LUC7L2: variants seen among roughly 807,000 people sequenced by gnomAD.
The protein encoded by LUC7L2 is LUC7 like 2, pre-mRNA splicing factor.
A neutral mutation model predicts 52.8 loss-of-function variants in LUC7L2; 25 were observed. The ratio of observed to expected loss-of-function variants is 0.47; its 90% confidence interval spans 0.34 to 0.66. The LOEUF (loss-of-function observed/expected upper bound fraction) is 0.66, where lower values mean the gene tolerates loss of function less well. Among genes scored for constraint, LUC7L2 ranks in the 30% least tolerant of loss-of-function variants. The pLI is 0.01. For missense variants in LUC7L2, 328 were observed against 497.8 expected (o/e 0.66, Z 3.25); for synonymous variants, 144 against 160.9 (o/e 0.89, Z 0.80).
At chr7:139,419,435 A>C (rs1245873755) in intron 9 of LUC7L2, among the ~76,000 whole-genome samples, 1 of 152,260 alleles carries the variant, frequency 6.6e-6, no homozygotes, top group Non-Finnish European at 1.5e-5. Flanking sequence ...TAGGCCTCTT[A>C]TCTCACACTC....
Position 139,360,184 on chromosome 7 carries a change from T to C in LUC7L2, c.-78T>C. On this transcript the variant is annotated 5_prime_UTR_variant, in exon 1 of 10. Coordinates refer to ENST00000354926, the MANE Select transcript of LUC7L2 (RefSeq NM_016019.5). ...CGAGACAGCAGCGCACCTTCCCCCA[T>C]CCCTTCCCCTTATCCCCCAGCCCAA... 2.8e-6 allele frequency: 3 copies of C among 1,068,578 alleles called. No individual in the cohort carries two copies. The highest frequency in any genetic ancestry group is 2.8e-5 in the South Asian group (2 of 70,658). 66.2% of individuals were successfully genotyped at this position (1,068,578 alleles called of 1,614,324 possible).
intron 6 of LUC7L2, 23 bp from the exon 7 acceptor site, chr7:139,409,540 C>T: frequency 6.3e-7 from 1 of 1,585,764 alleles, no homozygotes; most frequent in Non-Finnish European, 8.6e-7. Flanking sequence ...TAAATATTCT[C>T]CTCATTTATT....
intron 4 of LUC7L2, among the ~76,000 whole-genome samples, chr7:139,404,742 T>C (rs1795048803): frequency 6.6e-6 from 1 of 152,070 alleles, no homozygotes; most frequent in Non-Finnish European, 1.5e-5. Flanking sequence ...TAGAGTGGAG[T>C]TGCCAGGCGA....
chr7:139,379,487 A>G lies in LUC7L2; in HGVS notation c.156+3331A>G, dbSNP rs113066122. On this transcript the variant is annotated intron_variant, in intron 2 of 9. Coordinates refer to ENST00000354926, the MANE Select transcript of LUC7L2 (RefSeq NM_016019.5). ...ACAAGTTAGTTTGGAATTTTTTGCA[A>G]TTGAGTTTCATGAAAATGCACTTAC... Among the ~76,000 whole-genome samples, 11 of 143,720 alleles carry G rather than the reference A, an allele frequency of 7.7e-5. 1 individual carries two copies. The highest frequency in any genetic ancestry group is 2.8e-4 in the African/African-American group (11 of 38,622). The allele number at this position is 143,720 out of a possible 152,430, so 94.3% of individuals were successfully genotyped here.
intron 5 of LUC7L2, among the ~76,000 whole-genome samples, 157 bp downstream of exon 5, chr7:139,405,944 AAAAC>A (rs1795094388): frequency 6.6e-6 from 1 of 152,234 alleles, no homozygotes; most frequent in African/African-American, 2.4e-5. Context: ...CTAAAAGACA[AAAAC>A]AAAACAAAAC....
intron 2 of LUC7L2, among the ~76,000 whole-genome samples, chr7:139,397,748 ATT>A (rs1794724899): frequency 6.6e-6 from 1 of 152,192 alleles, no homozygotes; most frequent in Admixed American, 6.5e-5. Flanking sequence ...AAATGGATAG[ATT>A]TTTAGATATT....
chr7:139,417,825 G>T, intron 9 of LUC7L2, 96 bp downstream of exon 9: 1 of 1,454,208 alleles, frequency 6.9e-7, no homozygotes, highest in Non-Finnish European at 9.1e-7. Flanking sequence ...TCAGATTATT[G>T]GTTTGAAACT....
chr7:139,340,753 T>C, intron 1 of LUC7L2: 1 of 376,472 alleles, frequency 2.7e-6, no homozygotes, highest in Non-Finnish European at 4.7e-6. Context: ...GGATTGTGGG[T>C]TCGAGTCCCA....
rs549163037 is a variant in LUC7L2, at chr7:139,417,813, G to A, written c.1001+84G>A. ...TTTACTTATGTTACTTATGTTTAGA[G>A]TTCAGATTATTGGTTTGAAACTTTT... On this transcript the variant is annotated intron_variant, in intron 9 of 9. Transcript: ENST00000354926. 20 of 1,489,442 alleles carry A rather than the reference G, an allele frequency of 1.3e-5. No homozygotes were observed. The African/African-American group carries it at 2.5e-4, about 19-fold the overall frequency. 92.3% of individuals were successfully genotyped at this position (1,489,442 alleles called of 1,614,324 possible). A position where few individuals can be genotyped will look rare whatever the true frequency, so the allele number is the denominator to read the frequency against.
At chr7:139,389,440 G>A (rs949484971) in intron 2 of LUC7L2, among the ~76,000 whole-genome samples, 1 of 151,890 alleles carries the variant, frequency 6.6e-6, no homozygotes, top group African/African-American at 2.4e-5. Flanking sequence ...CAGTTAAGTT[G>A]TTCCTCTTTA....
intron 1 of LUC7L2, among the ~76,000 whole-genome samples, chr7:139,362,909 ATCATTT>A (rs1799960046): frequency 6.6e-6 from 1 of 152,156 alleles, no homozygotes; most frequent in African/African-American, 2.4e-5. Flanking sequence ...AAAGTAGTTA[ATCATTT>A]AGATTACCTA....
intron 2 of LUC7L2, among the ~76,000 whole-genome samples, chr7:139,396,366 C>T (rs1225211442): frequency 6.6e-6 from 1 of 151,992 alleles, no homozygotes; most frequent in Non-Finnish European, 1.5e-5. Flanking sequence ...ATCGCTTGAG[C>T]TGGGAGGTGG....
chr7:139,374,761 C>G, intron 1 of LUC7L2: 1 of 1,206,252 alleles, frequency 8.3e-7, no homozygotes, highest in Non-Finnish European at 1.0e-6. Flanking sequence ...CACGTTAAAA[C>G]AATTTGAACA....
At chr7:139,404,209 A>G (rs990943616) in intron 4 of LUC7L2, among the ~76,000 whole-genome samples, 2 of 152,212 alleles carry the variant, frequency 1.3e-5, no homozygotes, top group Non-Finnish European at 2.9e-5. Context: ...CTGGAAACTC[A>G]TACCAAACTA....
At chr7:139,414,465 G>C (rs1032491968) in intron 8 of LUC7L2, among the ~76,000 whole-genome samples, 1 of 152,258 alleles carries the variant, frequency 6.6e-6, no homozygotes, top group Non-Finnish European at 1.5e-5. Context: ...GCGGCTTGGA[G>C]GCCGCAGGTT....
chr7:139,359,308 G>C (rs1241664772), upstream of LUC7L2: 1 of 153,080 alleles, frequency 6.5e-6, no homozygotes, highest in Admixed American at 6.5e-5. Context: ...GGGTCGGCGC[G>C]CCTGTTTCCT....
intron 2 of LUC7L2, among the ~76,000 whole-genome samples, chr7:139,377,082 A>G (rs1585090165): frequency 1.3e-5 from 2 of 152,066 alleles, no homozygotes; most frequent in East Asian, 1.9e-4. Context: ...GTTAACGGGG[A>G]AAAAAGAGCC....
At chr7:139,392,346 G>T in intron 2 of LUC7L2, 1 of 310,186 alleles carries the variant, frequency 3.2e-6, no homozygotes, top group Non-Finnish European at 6.4e-6. Flanking sequence ...AAGCTTAAGA[G>T]TTTATTTGGG....
At chr7:139,373,327 A>G (rs1423533436) in intron 1 of LUC7L2, among the ~76,000 whole-genome samples, 5 of 152,208 alleles carry the variant, frequency 3.3e-5, no homozygotes, top group African/African-American at 1.2e-4. Context: ...AAATATCAAT[A>G]AACAGTCAGT....
Sources: gnomAD v4.1 joint callset for allele counts (sites outside exome capture counted in the v4.1 genomes callset) on GRCh38, gnomAD v4.1.1 for gene constraint, MANE v1.5 for transcripts, NCBI Gene and HGNC (gene_info 2026-07-23, HGNC 2026-07-21) for gene names.